The following ANO1 variants were observed in gnomAD, a reference collection of about 807,000 sequenced individuals.
ANO1 encodes the protein anoctamin-1.
A neutral mutation model predicts 124.0 loss-of-function variants in ANO1; 59 were observed. That is an observed-to-expected ratio of 0.48 (90% CI 0.39 to 0.59). ANO1 has a LOEUF of 0.59. Ranked by LOEUF, ANO1 falls within the 20% of genes least tolerant of loss-of-function variation. ANO1 has a pLI of 0.00. For missense variants in ANO1, 1,059 were observed against 1,328.0 expected (o/e 0.80, Z 3.15); for synonymous variants, 529 against 532.0 (o/e 0.99, Z 0.08).
intron 22 of ANO1, among the ~76,000 whole-genome samples, chr11:70,171,722 T>A (rs1312932371): frequency 6.6e-6 from 1 of 152,218 alleles, no homozygotes; most frequent in Non-Finnish European, 1.5e-5. Context: ...ATCCCAGTGC[T>A]TTGGGAGGCC....
intron 1 of ANO1, among the ~76,000 whole-genome samples, chr11:70,069,874 T>A (rs1565173544): frequency 6.6e-6 from 1 of 152,186 alleles, no homozygotes; most frequent in Non-Finnish European, 1.5e-5. Context: ...GGGGAGGAGA[T>A]CCCATGTCGG....
intron 5 of ANO1, among the ~76,000 whole-genome samples, chr11:70,106,095 A>G (rs1333190276): frequency 6.6e-6 from 1 of 152,016 alleles, no homozygotes; most frequent in Non-Finnish European, 1.5e-5. Context: ...CATGTCTCAG[A>G]GCCGCCTCGT....
chr11:70,032,619 G>A (rs1857023030), intron 1 of ANO1, among the ~76,000 whole-genome samples: 1 of 152,086 alleles, frequency 6.6e-6, no homozygotes, highest in South Asian at 2.1e-4. Context: ...GTGTCTGAGT[G>A]GCCAGTGGTG....
At chr11:70,138,732 C>A (rs1456486316) in intron 11 of ANO1, among the ~76,000 whole-genome samples, 1 of 152,186 alleles carries the variant, frequency 6.6e-6, no homozygotes, top group Non-Finnish European at 1.5e-5. Context: ...GGTTTCTGAG[C>A]CCCAAATACT....
At chr11:70,071,483 C>T (rs782568761) in intron 1 of ANO1, among the ~76,000 whole-genome samples, 2 of 152,152 alleles carry the variant, frequency 1.3e-5, no homozygotes, top group Non-Finnish European at 1.5e-5. Context: ...CCAGCCTGGT[C>T]GCTCCTTCCC....
intron 1 of ANO1, among the ~76,000 whole-genome samples, chr11:70,002,213 G>C (rs1327410979): frequency 6.6e-6 from 1 of 152,024 alleles, no homozygotes; most frequent in African/African-American, 2.4e-5. Flanking sequence ...CACTTTGGGA[G>C]ACCAAGGCAG....
At chr11:70,045,365 C>T (rs1355125525) in intron 1 of ANO1, among the ~76,000 whole-genome samples, 1 of 152,146 alleles carries the variant, frequency 6.6e-6, no homozygotes, top group Non-Finnish European at 1.5e-5. Flanking sequence ...TGCCATGATG[C>T]CCTAGAAGTA....
chr11:70,181,838 C>T (rs946708804), intron 23 of ANO1, among the ~76,000 whole-genome samples: 1 of 151,896 alleles, frequency 6.6e-6, no homozygotes, highest in East Asian at 1.9e-4. Context: ...TGTTCTAGAA[C>T]CTTCTAAGCT....
intron 11 of ANO1, among the ~76,000 whole-genome samples, chr11:70,149,388 C>G (rs553866789): frequency 2.0e-5 from 3 of 152,182 alleles, no homozygotes; most frequent in Admixed American, 6.5e-5. Flanking sequence ...TGGTGGCTCA[C>G]GCCTGTAGTC....
At chr11:70,097,324 A>C (rs2045030290) in intron 2 of ANO1, among the ~76,000 whole-genome samples, 1 of 152,158 alleles carries the variant, frequency 6.6e-6, no homozygotes, top group South Asian at 2.1e-4. Flanking sequence ...GCGTCAGGAT[A>C]ATGGGGGATG....
intron 9 of ANO1, among the ~76,000 whole-genome samples, chr11:70,124,786 C>T (rs138613420): frequency 0.011 from 1,721 of 152,294 alleles, 17 homozygotes; most frequent in East Asian, 0.052. Flanking sequence ...TCTGTCCTCA[C>T]AGGGCAGGAA....
intron 1 of ANO1, among the ~76,000 whole-genome samples, chr11:69,987,604 CAAAAAAAAAAAAAAAAAA>C (rs202001305): frequency 8.2e-5 from 9 of 109,716 alleles, no homozygotes; most frequent in Non-Finnish European, 8.8e-5. Flanking sequence ...GACCATGTCT[CAAAAAAAAAAAAAAAAAA>C]AAAAAAAAAA....
chr11:70,035,050 C>A (rs1857070528), intron 1 of ANO1, among the ~76,000 whole-genome samples: 1 of 152,084 alleles, frequency 6.6e-6, no homozygotes, highest in Non-Finnish European at 1.5e-5. Context: ...TGCTGTTAGA[C>A]ACTCCAAGGA....
At chr11:70,124,203 G>T in intron 8 of ANO1, 147 bp from the exon 9 acceptor site, 1 of 691,994 alleles carries the variant, frequency 1.4e-6, no homozygotes, top group Non-Finnish European at 2.5e-6. Context: ...CCATCCCCAC[G>T]TTCACAGCCC....
the ANO1 span, among the ~76,000 whole-genome samples, chr11:69,978,206 C>T: frequency 6.6e-6 from 1 of 152,262 alleles, no homozygotes; most frequent in African/African-American, 2.4e-5. Context: ...GGAGCCACTC[C>T]GTGGGCCTTT....
chr11:70,119,797 A>G (rs1353466273), intron 8 of ANO1, among the ~76,000 whole-genome samples: 1 of 151,378 alleles, frequency 6.6e-6, no homozygotes, highest in Non-Finnish European at 1.5e-5. Flanking sequence ...GTGGACAGGT[A>G]GGTGAATAGA....
intron 14 of ANO1, 43 bp downstream of exon 14, chr11:70,153,171 C>T: frequency 1.3e-6 from 2 of 1,488,174 alleles, no homozygotes; most frequent in Non-Finnish European, 1.8e-6. Context: ...CAATAAAACA[C>T]TGTGTTCATC....
intron 1 of ANO1, among the ~76,000 whole-genome samples, chr11:70,018,046 G>T (rs1555002211): frequency 6.6e-6 from 1 of 152,002 alleles, no homozygotes; most frequent in Non-Finnish European, 1.5e-5. Context: ...AAACAAAAAT[G>T]CAGGCTTTGC....
rs1297753618 is a variant in ANO1, at chr11:70,026,010, ATGG to A, written c.58+39853_58+39855del. ...AGTGGTGGTGATGATGATGATGATG[ATGG>A]TGGTGGTGATGGTGATGATGATGGT... On this transcript the variant is annotated intron_variant, in intron 1 of 27. Coordinates refer to the ANO1 transcript ENST00000531349. Among the ~76,000 whole-genome samples, 709 of 127,034 alleles carry A rather than the reference ATGG, an allele frequency of 5.6e-3. 13 individuals are homozygous for A. The highest frequency in any genetic ancestry group is 0.021 in the African/African-American group (643 of 31,228). The allele number at this position is 127,034 out of a possible 152,430, so 83.3% of individuals were successfully genotyped here.
Sources: allele counts gnomAD v4.1 joint callset (sites outside exome capture counted in the v4.1 genomes callset), GRCh38; gene constraint gnomAD v4.1.1; transcripts MANE v1.5; gene names NCBI Gene and HGNC (gene_info 2026-07-23, HGNC 2026-07-21).